Variants in ANKRD6 observed in about 807,000 individuals in gnomAD.
The protein encoded by ANKRD6 is ankyrin repeat domain 6.
A neutral mutation model predicts 82.3 loss-of-function variants in ANKRD6; 56 were observed. The ratio of observed to expected loss-of-function variants is 0.68; its 90% CI spans 0.55 to 0.85. The LOEUF (loss-of-function observed/expected upper bound fraction) is 0.85, where lower values mean the gene tolerates loss of function less well. Among genes scored for constraint, ANKRD6 ranks in the 40% least tolerant of loss-of-function variants. ANKRD6 has a pLI of 0.00. For missense variants in ANKRD6, 852 were observed against 907.6 expected, an observed-to-expected ratio of 0.94 and a Z score of 0.79; for synonymous variants, 347 against 352.1, an observed-to-expected ratio of 0.99 and a Z score of 0.16.
chr6:89,613,859 C>T lies in ANKRD6; in HGVS notation c.584C>T (p.Thr195Ile). 6.2e-7 allele frequency: 1 copy of T among 1,614,056 alleles called. No homozygotes were observed. Among genetic ancestry groups the T allele is most frequent in the South Asian group, 1.1e-5 (1 of 91,092 alleles). ...NHLSIIRLLL[T>I]AFCSVHEKNQ... The stretch of plus-strand genomic sequence containing the variant: ...TTGTCCATCATTAGGCTCCTCCTCA[C>T]TGCTTTCTGTTCTGTCCATGAAAAG... Residue 195 changes from threonine to isoleucine, a missense_variant, in exon 7 of 16, where the codon ACT becomes ATT. Physicochemically the swap from Thr to Ile is moderately conservative, Grantham distance 89. Transcript: ENST00000339746.
chr6:89,447,645 A>G (rs1772255544), intron 1 of ANKRD6, among the ~76,000 whole-genome samples: 2 of 152,344 alleles, frequency 1.3e-5, no homozygotes, highest in Middle Eastern at 6.8e-3. Context: ...AATGTGGATG[A>G]AACAGCCTTC....
At chr6:89,472,837 G>A (rs1293426317) in intron 1 of ANKRD6, among the ~76,000 whole-genome samples, 2 of 152,124 alleles carry the variant, frequency 1.3e-5, no homozygotes, top group African/African-American at 4.8e-5. Flanking sequence ...CCAGAGGAAC[G>A]GTGGTCACTG....
At chr6:89,607,652 A>C (rs142207273) in intron 5 of ANKRD6, among the ~76,000 whole-genome samples, 1,758 of 130,282 alleles carry the variant, frequency 0.013, 33 homozygotes, top group African/African-American at 0.046. Flanking sequence ...TTGGGAGAAG[A>C]GACTTTTTTT....
intron 1 of ANKRD6, among the ~76,000 whole-genome samples, chr6:89,463,380 A>C (rs1314095967): frequency 6.6e-6 from 1 of 152,200 alleles, no homozygotes; most frequent in Non-Finnish European, 1.5e-5. Flanking sequence ...GTCATTTAAA[A>C]AACACAGAAA....
At chr6:89,537,881 A>G (rs1166246143) in intron 1 of ANKRD6, among the ~76,000 whole-genome samples, 1 of 52,094 alleles carries the variant, frequency 1.9e-5, no homozygotes, top group Non-Finnish European at 5.0e-5. Context: ...CAATGTCTCA[A>G]AAAAAAAAAA....
chr6:89,624,766 T>C (rs1805015493), intron 13 of ANKRD6, 75 bp downstream of exon 13: 13 of 1,508,114 alleles, frequency 8.6e-6, no homozygotes, highest in South Asian at 2.6e-5. Flanking sequence ...ACTTCGACTT[T>C]AGCACACCCT....
At position 89,544,444 on chromosome 6, in the gene ANKRD6, A is replaced by G. The variant is rs182582955; in HGVS notation, c.-143-22390A>G. The stretch of plus-strand genomic sequence containing the variant: ...AGTGCAGTGAGTCCTGTCCGGGCAC[A>G]GTGGCTCACGCCTGTAATCCCAGCA... On this transcript the variant is annotated intron_variant, in intron 1 of 15. Coordinates refer to ENST00000339746, the MANE Select transcript of ANKRD6 (RefSeq NM_001242809.2). Among the ~76,000 whole-genome samples the G allele has an allele frequency of 2.4e-3, 372 of 152,278 alleles. 1 individual carries two copies. The highest frequency in any genetic ancestry group is 4.0e-3 in the Non-Finnish European group (271 of 68,018).
At chr6:89,489,279 AAGTTTAAACGAGGACAATAATTC>A (rs1312675159) in intron 1 of ANKRD6, among the ~76,000 whole-genome samples, 1 of 152,128 alleles carries the variant, frequency 6.6e-6, no homozygotes, top group East Asian at 1.9e-4. Flanking sequence ...CTGAGTGGGA[AAGTTTAAACGAGGACAATAATTC>A]AGTTTGAGTG....
chr6:89,540,676 G>A (rs907596737), intron 1 of ANKRD6, among the ~76,000 whole-genome samples: 2 of 152,206 alleles, frequency 1.3e-5, no homozygotes, highest in South Asian at 2.1e-4. Flanking sequence ...TTGTGCTTGC[G>A]GGGTATTGCT....
chr6:89,498,261 G>A (rs2127872543), intron 1 of ANKRD6, among the ~76,000 whole-genome samples: 1 of 152,224 alleles, frequency 6.6e-6, no homozygotes, highest in East Asian at 1.9e-4. Context: ...TTTAATATAT[G>A]CATTTGTACT....
chr6:89,522,866 C>T (rs1275985617), intron 1 of ANKRD6, among the ~76,000 whole-genome samples: 1 of 152,134 alleles, frequency 6.6e-6, no homozygotes, highest in Non-Finnish European at 1.5e-5. Context: ...ACACCAACAG[C>T]CAGAGCATAA....
chr6:89,461,157 G>C lies in ANKRD6; in HGVS notation c.-144+27782G>C, dbSNP rs567867158. 3.6e-4 allele frequency among the ~76,000 whole-genome samples: 55 copies of C among 152,198 alleles called. No homozygotes were observed. The South Asian group carries it at 0.011, about 31-fold the overall frequency. ...TCTAACTCCTGACCTCAAGTGAACC[G>C]TCAGTCTCTGCCTCCTGAAGTGTTG... is the stretch of plus-strand genomic sequence containing the variant. On this transcript the variant is annotated intron_variant, in intron 1 of 15. Transcript: ENST00000339746.
chr6:89,614,024 G>A, intron 7 of ANKRD6, 134 bp downstream of exon 7: 1 of 788,526 alleles, frequency 1.3e-6, no homozygotes, highest in East Asian at 2.7e-5. Flanking sequence ...GCCAGCAGTG[G>A]GCTTTGCATG....
chr6:89,515,049 T>C (rs1435505976), intron 1 of ANKRD6, among the ~76,000 whole-genome samples: 1 of 152,240 alleles, frequency 6.6e-6, no homozygotes, highest in East Asian at 1.9e-4. Context: ...CTTTTTCTTA[T>C]TGATTTTGAA....
chr6:89,615,115 G>A (rs990126652), intron 7 of ANKRD6, among the ~76,000 whole-genome samples: 1 of 151,906 alleles, frequency 6.6e-6, no homozygotes, highest in Non-Finnish European at 1.5e-5. Context: ...TGACACCTAT[G>A]TGGTACATTG....
chr6:89,467,115 G>GAGT lies in ANKRD6; in HGVS notation c.-144+33745_-144+33747dup, dbSNP rs548626942. Among the ~76,000 whole-genome samples, 171 of 152,016 alleles carry GAGT rather than the reference G, an allele frequency of 1.1e-3. 2 individuals carry two copies. In the South Asian group the frequency reaches 0.035, roughly 31 times the overall value. On this transcript the variant is annotated intron_variant, in intron 1 of 15. Transcript: ENST00000339746. ...CTAGCTGTTCAGGAAGCTGAGGCAGGAGTAGTACTTGGGCTCAGGAGTTCA... is the reference window on the plus strand; with the variant it reads ...CTAGCTGTTCAGGAAGCTGAGGCAGGAGTAGTAGTACTTGGGCTCAGGAGTTCA...
intron 1 of ANKRD6, among the ~76,000 whole-genome samples, chr6:89,464,049 C>T (rs547685601): frequency 6.6e-6 from 1 of 152,122 alleles, no homozygotes; most frequent in Non-Finnish European, 1.5e-5. Context: ...AAGGCCACAG[C>T]CCTTCAGTAA....
intron 1 of ANKRD6, among the ~76,000 whole-genome samples, chr6:89,522,951 G>T (rs1015511707): frequency 6.6e-6 from 1 of 152,122 alleles, no homozygotes; most frequent in Non-Finnish European, 1.5e-5. Flanking sequence ...AGCATGTCAG[G>T]TGCGGGGACT....
At chr6:89,575,210 G>C (rs1790839255) in intron 2 of ANKRD6, among the ~76,000 whole-genome samples, 1 of 152,186 alleles carries the variant, frequency 6.6e-6, no homozygotes, top group Non-Finnish European at 1.5e-5. Flanking sequence ...CTTTTACGCA[G>C]AAAGGGGAGG....
Sources: allele counts gnomAD v4.1 joint callset (sites outside exome capture counted in the v4.1 genomes callset), GRCh38; gene constraint gnomAD v4.1.1; transcripts MANE v1.5; gene names NCBI Gene and HGNC (gene_info 2026-07-23, HGNC 2026-07-21).